The following GC variants were observed in gnomAD, a reference collection of about 807,000 sequenced individuals.
GC encodes vitamin D-binding protein.
In GC, 43 loss-of-function variants were observed where a neutral mutation model predicts 56.7. The observed-to-expected ratio is 0.76, with a 90% CI of 0.59 to 0.98. The LOEUF is 0.98. Among genes scored for constraint, GC ranks in the 50% least tolerant of loss-of-function variants. The pLI is 0.00. For missense variants in GC, 529 were observed against 545.9 expected, an observed-to-expected ratio of 0.97 and a Z score of 0.31; for synonymous variants, 216 against 202.7, an observed-to-expected ratio of 1.07 and a Z score of -0.56.
chr4:71,795,470 C>T (rs886953548), intron 1 of GC, among the ~76,000 whole-genome samples: 14 of 152,056 alleles, frequency 9.2e-5, no homozygotes, highest in African/African-American at 2.2e-4. Context: ...TCAGAGACTC[C>T]GATTGCAACC....
At chr4:71,752,778 G>T in intron 10 of GC, 128 bp from the exon 11 acceptor site, 4 of 803,976 alleles carry the variant, frequency 5.0e-6, no homozygotes, top group South Asian at 4.8e-5. Flanking sequence ...CCTGTCTCAA[G>T]AAAATTCTAT....
At chr4:71,786,429 A>T (rs961937873), upstream of GC, among the ~76,000 whole-genome samples, 9 of 151,836 alleles carry the variant, frequency 5.9e-5, no homozygotes, top group African/African-American at 2.2e-4. Flanking sequence ...ACCTTCTCAC[A>T]TTGTCTATAA....
intron 1 of GC, among the ~76,000 whole-genome samples, chr4:71,770,900 C>T (rs1441542734): frequency 6.6e-6 from 1 of 152,148 alleles, no homozygotes; most frequent in Non-Finnish European, 1.5e-5. Context: ...TTCATTCACG[C>T]TACAGGGAAG....
intron 4 of GC, 52 bp downstream of exon 4, chr4:71,765,380 T>C: frequency 7.2e-7 from 1 of 1,393,250 alleles, no homozygotes; most frequent in South Asian, 1.2e-5. Flanking sequence ...TAGATTAGAG[T>C]CATTTCTGAT....
chr4:71,784,192 A>T (rs1428877139), upstream of GC: 1 of 1,307,620 alleles, frequency 7.6e-7, no homozygotes, highest in East Asian at 3.0e-5. Flanking sequence ...AGGGGCTGTT[A>T]TCTTTGGCCC....
At chr4:71,782,657 G>A (rs1412901056) in intron 1 of GC, among the ~76,000 whole-genome samples, 1 of 151,760 alleles carries the variant, frequency 6.6e-6, no homozygotes, top group African/African-American at 2.4e-5. Flanking sequence ...TGAGTCAGCA[G>A]TCTAAGATGG....
At chr4:71,764,524 C>G (rs1742096924) in intron 4 of GC, among the ~76,000 whole-genome samples, 1 of 152,046 alleles carries the variant, frequency 6.6e-6, no homozygotes, top group Non-Finnish European at 1.5e-5. Context: ...CCCATGGTAT[C>G]TGCTTGTTAA....
At chr4:71,787,167 G>T (rs573715966), upstream of GC, among the ~76,000 whole-genome samples, 30 of 151,886 alleles carry the variant, frequency 2.0e-4, no homozygotes, top group African/African-American at 7.2e-4. Flanking sequence ...CTCTGTTACT[G>T]TCATTATTTA....
intron 1 of GC, among the ~76,000 whole-genome samples, chr4:71,790,797 G>T (rs1200343958): frequency 1.3e-5 from 2 of 150,670 alleles, no homozygotes; most frequent in African/African-American, 2.4e-5. Context: ...TTAAGTTTTA[G>T]GGTACATGTG....
chr4:71,754,912 G>A (rs1741673211), intron 9 of GC, 66 bp downstream of exon 9: 1 of 1,112,958 alleles, frequency 9.0e-7, no homozygotes, highest in Non-Finnish European at 1.3e-6. Flanking sequence ...GCAAGTTTTG[G>A]CCCATGAACT....
intron 12 of GC, among the ~76,000 whole-genome samples, chr4:71,743,237 G>T (rs924136021): frequency 6.6e-6 from 1 of 152,136 alleles, no homozygotes; most frequent in Non-Finnish European, 1.5e-5. Context: ...TTCTATGAGT[G>T]AGTCAAATCT....
chr4:71,755,745 A>T (rs1741747676), intron 8 of GC, among the ~76,000 whole-genome samples: 1 of 152,238 alleles, frequency 6.6e-6, no homozygotes, highest in Non-Finnish European at 1.5e-5. Flanking sequence ...TTGACTCTGT[A>T]TAAAGCATCA....
intron 4 of GC, among the ~76,000 whole-genome samples, chr4:71,765,206 A>G (rs1251329573): frequency 6.6e-6 from 1 of 152,180 alleles, no homozygotes; most frequent in African/African-American, 2.4e-5. Flanking sequence ...GGTTCAGATA[A>G]TAGGATTAGG....
At chr4:71,788,884 T>C (rs1742907065), upstream of GC, among the ~76,000 whole-genome samples, 1 of 151,924 alleles carries the variant, frequency 6.6e-6, no homozygotes, top group Non-Finnish European at 1.5e-5. Context: ...CATAACTAGT[T>C]AACTGTGAGC....
In GC at chr4:71,758,067, G is replaced by A. The variant is rs766876824; in HGVS notation, c.806C>T (p.Ala269Val). The A allele has an allele frequency of 6.2e-7, 1 of 1,613,312 alleles. No homozygotes were observed. Among genetic ancestry groups the A allele is most frequent in the South Asian group, 1.1e-5 (1 of 91,008 alleles). ...TNILSKCCES[A>V]SEDCMAKELP... ...CTCTTTGGCCATGCAATCTTCAGAG[G>A]CAGACTCACAGCATTTGGAGAGGAT... The change falls in exon 7 of 13, where the codon GCC becomes GTC. Residue 269 changes from alanine to valine, a missense_variant. Transcript: ENST00000273951.
intron 6 of GC, among the ~76,000 whole-genome samples, chr4:71,761,951 G>A (rs568081542): frequency 6.6e-6 from 1 of 152,316 alleles, no homozygotes; most frequent in East Asian, 1.9e-4. Context: ...GTGCAGAAGG[G>A]AAATGTGGGT....
rs1741815835 is a variant in GC at position 71,757,397 on chromosome 4, A to T, written c.832-483T>A. Reference sequence around the variant, plus strand: ...AAAGACAAGGCAACACAATGTATCTATTACTACAGAGATTGACAAGATCTT... The same window carrying T: ...AAAGACAAGGCAACACAATGTATCTTTTACTACAGAGATTGACAAGATCTT... On this transcript the variant is annotated intron_variant, in intron 7 of 12. Coordinates refer to ENST00000273951, the MANE Select transcript of GC (RefSeq NM_000583.4). Among the ~76,000 whole-genome samples the T allele has an allele frequency of 4.6e-5, 7 of 152,306 alleles. No homozygotes were observed. The South Asian group carries it at 1.4e-3, about 32-fold the overall frequency.
In GC at chr4:71,777,033, A is replaced by G. The variant is rs546968365; in HGVS notation, c.58+6928T>C. ...TCCAACAGATTGCATTATCTTGTAT[A>G]GGAAAATTTCTATTTCAAAGATTAG... On this transcript the variant is annotated intron_variant, in intron 1 of 12. Coordinates refer to ENST00000273951, the MANE Select transcript of GC (RefSeq NM_000583.4). Among the ~76,000 whole-genome samples, 83 of 152,076 alleles carry G rather than the reference A, an allele frequency of 5.5e-4. 1 individual carries two copies. The highest frequency in any genetic ancestry group is 1.8e-3 in the African/African-American group (74 of 41,540).
At chr4:71,747,668 A>C (rs1016755927) in intron 11 of GC, among the ~76,000 whole-genome samples, 2 of 152,250 alleles carry the variant, frequency 1.3e-5, no homozygotes, top group South Asian at 4.1e-4. Flanking sequence ...AGGAATTAAT[A>C]AGAGGTGTGA....
Sources: gnomAD v4.1 joint callset for allele counts (sites outside exome capture counted in the v4.1 genomes callset) on GRCh38, gnomAD v4.1.1 for gene constraint, MANE v1.5 for transcripts, NCBI Gene and HGNC (gene_info 2026-07-23, HGNC 2026-07-21) for gene names.